Variants in PPP3CB observed in about 807,000 individuals in gnomAD.
PPP3CB encodes serine/threonine-protein phosphatase 2B catalytic subunit beta isoform.
PPP3CB carries 8 observed loss-of-function variants against 66.4 expected under a neutral mutation model. The ratio of observed to expected loss-of-function variants is 0.12; its 90% CI spans 0.07 to 0.22. PPP3CB has a LOEUF of 0.22. Ranked by LOEUF, PPP3CB falls within the 10% of genes least tolerant of loss-of-function variation. The probability of loss-of-function intolerance (pLI) is 1.00; values close to 1 mark genes in which losing one functional copy is unlikely to be tolerated. For synonymous variants in PPP3CB, 208 were observed against 221.2 expected, an observed-to-expected ratio of 0.94 and a Z score of 0.53; for missense variants, 319 against 642.5, an observed-to-expected ratio of 0.50 and a Z score of 5.44.
At position 73,454,111 on chromosome 10, in the gene PPP3CB, A is replaced by G. The variant is rs141612887; in HGVS notation, c.1186+301T>C. Reference sequence around the variant, plus strand: ...TATTTTTATCCTCTTTTCTCTAACCAGTGTCCATATTTGCCAAGAACTACA... The same window carrying G: ...TATTTTTATCCTCTTTTCTCTAACCGGTGTCCATATTTGCCAAGAACTACA... On this transcript the variant is annotated intron_variant, in intron 10 of 13. Transcript: ENST00000360663. Among the ~76,000 whole-genome samples, 126 of 152,310 alleles carry G rather than the reference A, an allele frequency of 8.3e-4. 7 individuals are homozygous for G. Among genetic ancestry groups the G allele is most frequent in the African/African-American group, 2.6e-3 (108 of 41,568 alleles).
At chr10:73,490,528 TAAA>T (rs1696532578) in intron 1 of PPP3CB, among the ~76,000 whole-genome samples, 1 of 152,224 alleles carries the variant, frequency 6.6e-6, no homozygotes, top group Non-Finnish European at 1.5e-5. Context: ...TCTCTGTGTA[TAAA>T]AAACATTTTT....
At chr10:73,457,428 C>A (rs1470058164) in intron 9 of PPP3CB, among the ~76,000 whole-genome samples, 1 of 151,676 alleles carries the variant, frequency 6.6e-6, no homozygotes, top group African/African-American at 2.4e-5. Flanking sequence ...GGAGTGAAAG[C>A]CTAAAGGACA....
At chr10:73,488,142 TAAG>T (rs2057017053) in intron 1 of PPP3CB, among the ~76,000 whole-genome samples, 1 of 152,142 alleles carries the variant, frequency 6.6e-6, no homozygotes, top group Non-Finnish European at 1.5e-5. Flanking sequence ...GTTTCACTAG[TAAG>T]AAGTAGAGCC....
At chr10:73,494,160 T>C (rs1341537814) in intron 1 of PPP3CB, among the ~76,000 whole-genome samples, 1 of 150,594 alleles carries the variant, frequency 6.6e-6, no homozygotes, top group Non-Finnish European at 1.5e-5. Flanking sequence ...TCTGCATTAC[T>C]ATTTTTTTTT....
At chr10:73,483,584 G>C (rs1177538896) in intron 1 of PPP3CB, among the ~76,000 whole-genome samples, 1 of 152,060 alleles carries the variant, frequency 6.6e-6, no homozygotes, top group African/African-American at 2.4e-5. Flanking sequence ...TTGAACCGAA[G>C]AGGTGAAGGT....
rs1004045290 is a variant in PPP3CB at position 73,444,571 on chromosome 10, A to G, written c.1366+154T>C. On this transcript the variant is annotated intron_variant, in intron 12 of 13. Transcript: ENST00000360663. ...TCTGCCCTGATCAGGTATTAATGAG[A>G]CACTAGCTAATACAGTACCCTGTCT... is the stretch of plus-strand genomic sequence containing the variant. 2.6e-6 allele frequency: 4 copies of G among 1,549,752 alleles called. No homozygotes were observed. The African/African-American group carries it at 4.1e-5, about 16-fold the overall frequency.
intron 1 of PPP3CB, among the ~76,000 whole-genome samples, chr10:73,483,071 CTG>C (rs1203913429): frequency 3.9e-5 from 6 of 152,354 alleles, no homozygotes; most frequent in African/African-American, 1.4e-4. Flanking sequence ...TTCACGCACA[CTG>C]TGAATGCTCT....
chr10:73,491,993 T>C (rs761724119), intron 1 of PPP3CB, among the ~76,000 whole-genome samples: 8 of 151,584 alleles, frequency 5.3e-5, no homozygotes, highest in Admixed American at 3.3e-4. Context: ...AATAAATAAA[T>C]AAATAAACAA....
chr10:73,477,036 G>T (rs1328352156), intron 3 of PPP3CB: 1 of 413,388 alleles, frequency 2.4e-6, no homozygotes, highest in African/African-American at 2.1e-5. Flanking sequence ...GTGGTTAAAA[G>T]CATATGCTGG....
At chr10:73,439,999 G>A in intron 12 of PPP3CB, 98 bp from the exon 13 acceptor site, 2 of 1,226,030 alleles carry the variant, frequency 1.6e-6, no homozygotes, top group African/African-American at 1.5e-5. Context: ...AAATATCACA[G>A]TATCCCATAC....
At chr10:73,480,601 T>C (rs1186235506) in intron 1 of PPP3CB, among the ~76,000 whole-genome samples, 1 of 152,074 alleles carries the variant, frequency 6.6e-6, no homozygotes, top group Non-Finnish European at 1.5e-5. Flanking sequence ...TCCGCCATCA[T>C]GCCCAGCTTA....
intron 3 of PPP3CB, 114 bp from the exon 4 acceptor site, chr10:73,475,144 T>A (rs2056767506): frequency 1.5e-6 from 2 of 1,323,208 alleles, no homozygotes; most frequent in Non-Finnish European, 1.9e-6. Flanking sequence ...TCTTTCTTTG[T>A]CCCTTACTAA....
At chr10:73,464,530 G>C (rs1304781142) in intron 9 of PPP3CB, among the ~76,000 whole-genome samples, 1 of 152,128 alleles carries the variant, frequency 6.6e-6, no homozygotes, top group Admixed American at 6.6e-5. Flanking sequence ...ATTCATTTCA[G>C]AACTATGACC....
intron 1 of PPP3CB, 85 bp from the exon 2 acceptor site, chr10:73,479,602 A>C: frequency 7.8e-7 from 1 of 1,288,040 alleles, no homozygotes; most frequent in South Asian, 1.5e-5. Context: ...ATAAGACTAA[A>C]AACTGTAAAG....
At chr10:73,485,353 G>A (rs1042230889) in intron 1 of PPP3CB, among the ~76,000 whole-genome samples, 1 of 152,180 alleles carries the variant, frequency 6.6e-6, no homozygotes, top group Non-Finnish European at 1.5e-5. Context: ...TGGTGGTACA[G>A]AGATCTTCTT....
chr10:73,446,721 T>C (rs2056262348), intron 10 of PPP3CB, 148 bp from the exon 11 acceptor site: 1 of 671,466 alleles, frequency 1.5e-6, no homozygotes, highest in African/African-American at 1.8e-5. Context: ...GAACTCATGC[T>C]AAAAAATGTC....
chr10:73,470,934 G>A lies in PPP3CB; in HGVS notation c.840C>T (p.Asn280=), dbSNP rs1200265633. 2.5e-6 allele frequency: 4 copies of A among 1,613,236 alleles called. No homozygotes were observed. The East Asian group carries it at 8.9e-5, about 36-fold the overall frequency. Residue 280 remains asparagine, a synonymous_variant, in exon 7 of 14, where the codon AAC becomes AAT. Transcript: ENST00000360663. Reference sequence around the variant, plus strand: ...CTCTAATAATCGATAACAAATTATTGTTTTGCAAAAATTCACACACTGCTG... The same window carrying A: ...CTCTAATAATCGATAACAAATTATTATTTTGCAAAAATTCACACACTGCTG... ...NYPAVCEFLQ[N]NNLLSIIRAH...
In PPP3CB at chr10:73,494,553, C is replaced by G. The variant is rs558488923; in HGVS notation, c.85+1252G>C. Among the ~76,000 whole-genome samples the G allele has an allele frequency of 2.0e-5, 3 of 151,924 alleles. No homozygotes were observed. In the South Asian group the frequency reaches 6.2e-4, roughly 32 times the overall value. ...CAAGCGATCCGCCTGCCTCAGCATC[C>G]GAAAGTGCTGGGATTACAGATGTGA... On this transcript the variant is annotated intron_variant, in intron 1 of 13. Coordinates refer to ENST00000360663, the MANE Select transcript of PPP3CB (RefSeq NM_021132.4).
intron 1 of PPP3CB, among the ~76,000 whole-genome samples, chr10:73,482,202 A>AT (rs200623450): frequency 1.0e-3 from 151 of 145,668 alleles, no homozygotes; most frequent in African/African-American, 1.2e-3. Context: ...AGGTCAGAGA[A>AT]TTTTTTTTTT....
Sources: allele counts gnomAD v4.1 joint callset (sites outside exome capture counted in the v4.1 genomes callset), GRCh38; gene constraint gnomAD v4.1.1; transcripts MANE v1.5; gene names NCBI Gene and HGNC (gene_info 2026-07-23, HGNC 2026-07-21).